The following ADAM12 variants were observed in gnomAD, a reference collection of about 807,000 sequenced individuals.
ADAM12 encodes disintegrin and metalloproteinase domain-containing protein 12.
Under a neutral mutation model 106.4 loss-of-function variants are expected in ADAM12, and 70 were observed. The observed-to-expected ratio is 0.66, with a 90% confidence interval of 0.54 to 0.80. The LOEUF (loss-of-function observed/expected upper bound fraction) is 0.80. Ranked by LOEUF, ADAM12 falls within the 30% of genes least tolerant of loss-of-function variation. The pLI is 0.00. For missense variants in ADAM12, 1,010 were observed against 1,171.9 expected, an observed-to-expected ratio of 0.86 and a Z score of 2.02; for synonymous variants, 420 against 433.5, an observed-to-expected ratio of 0.97 and a Z score of 0.39.
chr10:126,046,801 CAAAAAAAAAAAAAAAA>C (rs60056450), intron 16 of ADAM12, among the ~76,000 whole-genome samples: 8 of 49,918 alleles, frequency 1.6e-4, no homozygotes, highest in Non-Finnish European at 2.9e-4. Context: ...GATTCCGTCT[CAAAAAAAAAAAAAAAA>C]AAAAAAAAAA....
In ADAM12 at chr10:126,066,760, G is replaced by T. The variant is rs761670828; in HGVS notation, c.1370C>A (p.Pro457Gln). The stretch of plus-strand genomic sequence containing the variant: ...CAGCCCATGTGCGCACACAGCGTCC[G>T]GCTTCAGGGTACAGGTGGTGGCATT... The part of the protein sequence containing the change: ...CCNATTCTLK[P>Q]DAVCAHGLCC... Residue 457 changes from proline (P) to glutamine (Q), a missense_variant, in exon 13 of 23, where the codon CCG (proline) becomes CAG (glutamine). Pro to Gln is a moderately conservative substitution (Grantham distance 76). This residue lies in a region of ADAM12 where 615 missense variants were observed against 708.5 expected (regional missense o/e 0.87). Transcript: ENST00000448723. This position sits in a 1 kb window ranked among gnomAD's most constrained non-coding sequence, Gnocchi z 5.1. 4 of 1,614,020 alleles carry T rather than the reference G, an allele frequency of 2.5e-6. No homozygotes were observed. Among genetic ancestry groups the T allele is most frequent in the Non-Finnish European group, 3.4e-6 (4 of 1,180,020 alleles).
At chr10:126,158,666 G>T (rs1423839166) in intron 3 of ADAM12, among the ~76,000 whole-genome samples, 1 of 141,536 alleles carries the variant, frequency 7.1e-6, no homozygotes, top group Admixed American at 7.0e-5. Flanking sequence ...GGGATGCACA[G>T]AGCACGGGGA....
At chr10:126,083,358 C>T (rs1165502310) in intron 11 of ADAM12, among the ~76,000 whole-genome samples, 1 of 152,222 alleles carries the variant, frequency 6.6e-6, no homozygotes, top group African/African-American at 2.4e-5. Context: ...TCTTCCCACT[C>T]AACCACACCG....
intron 5 of ADAM12, among the ~76,000 whole-genome samples, chr10:126,119,088 A>G (rs1229986345): frequency 2.6e-5 from 4 of 152,328 alleles, no homozygotes; most frequent in Non-Finnish European, 5.9e-5. Context: ...ATGTGTGAAT[A>G]AAGGAACCCA....
intron 11 of ADAM12, among the ~76,000 whole-genome samples, chr10:126,092,669 A>C (rs1321594241): frequency 6.6e-6 from 1 of 152,226 alleles, no homozygotes; most frequent in Non-Finnish European, 1.5e-5. Context: ...CTTCCTCAAC[A>C]AAGTCTTGGT....
intron 3 of ADAM12, among the ~76,000 whole-genome samples, chr10:126,244,900 A>C (rs1256588679): frequency 6.6e-6 from 1 of 152,236 alleles, no homozygotes; most frequent in Non-Finnish European, 1.5e-5. Flanking sequence ...GACATTCACC[A>C]AGCAAAGGAG....
At chr10:126,348,257 C>T (rs963993473) in intron 1 of ADAM12, among the ~76,000 whole-genome samples, 32 of 152,284 alleles carry the variant, frequency 2.1e-4, no homozygotes, top group African/African-American at 6.5e-4. Flanking sequence ...GTAAAGAAGA[C>T]GGAAAGGGAT....
intron 12 of ADAM12, chr10:126,070,268 A>C (rs1176798758): frequency 6.6e-6 from 1 of 152,214 alleles, no homozygotes; most frequent in Non-Finnish European, 1.5e-5. Context: ...GAGCAAAATT[A>C]GACACCCCTC....
At position 126,049,174 on chromosome 10, in the gene ADAM12, G is replaced by GT; in HGVS notation, c.1917+78dup. The GT allele has an allele frequency of 6.4e-7, 1 of 1,570,856 alleles. No homozygotes were observed. Among genetic ancestry groups the GT allele is most frequent in the Non-Finnish European group, 8.7e-7 (1 of 1,150,656 alleles). On this transcript the variant is annotated intron_variant, in intron 16 of 22. Transcript: ENST00000448723. This position sits in a 1 kb window ranked among gnomAD's most constrained non-coding sequence, Gnocchi z 4.4. Reference sequence around the variant, plus strand: ...AGATTTAGGAAAACCAACAAACCTTGTAACCCAGTTCTTGCTGTTTTTCAA... The same window carrying GT: ...AGATTTAGGAAAACCAACAAACCTTGTTAACCCAGTTCTTGCTGTTTTTCAA...
At position 126,312,131 on chromosome 10, in the gene ADAM12, GAAAA is replaced by G. The variant is rs35783742; in HGVS notation, c.186+18277_186+18280del. 4.3e-3 allele frequency among the ~76,000 whole-genome samples: 528 copies of G among 123,988 alleles called. 3 individuals are homozygous for G. The highest frequency in any genetic ancestry group is 0.015 in the African/African-American group (477 of 32,798). 81.3% of individuals were successfully genotyped at this position (123,988 alleles called of 152,430 possible). On this transcript the variant is annotated intron_variant, in intron 2 of 22. Coordinates refer to ENST00000448723, the MANE Select transcript of ADAM12 (RefSeq NM_001288973.2). The stretch of plus-strand genomic sequence containing the variant: ...CAAAGTTGGAGAATTGGTTGGTGTG[GAAAA>G]AAAAAAAAAAAAAAAAACCCACGTT...
At chr10:126,304,997 T>C (rs112111018) in intron 2 of ADAM12, among the ~76,000 whole-genome samples, 239 of 152,070 alleles carry the variant, frequency 1.6e-3, no homozygotes, top group African/African-American at 5.4e-3. Context: ...TTGGTGAGGA[T>C]AGAAACAATA....
chr10:126,086,451 G>A (rs1272983595), intron 11 of ADAM12, among the ~76,000 whole-genome samples: 1 of 149,472 alleles, frequency 6.7e-6, no homozygotes, highest in Admixed American at 6.7e-5. Context: ...CAAGGCAGGT[G>A]GATCACTCGA....
chr10:126,177,101 T>C (rs1185270255), intron 3 of ADAM12, among the ~76,000 whole-genome samples: 1 of 152,146 alleles, frequency 6.6e-6, no homozygotes, highest in East Asian at 1.9e-4. Context: ...TTGGTATTAT[T>C]CATTTATGGC....
At chr10:126,106,365 G>T (rs912061759) in intron 8 of ADAM12, among the ~76,000 whole-genome samples, 1 of 152,016 alleles carries the variant, frequency 6.6e-6, no homozygotes, top group East Asian at 1.9e-4. Context: ...ACAGTAACTG[G>T]TAAAAATAAT....
intron 1 of ADAM12, among the ~76,000 whole-genome samples, chr10:126,368,726 T>C (rs1856005071): frequency 6.6e-6 from 1 of 151,804 alleles, no homozygotes. Context: ...CATTCCCCAA[T>C]TGAATTTTTA....
chr10:126,219,372 C>G (rs562136136), intron 3 of ADAM12, among the ~76,000 whole-genome samples: 1 of 152,306 alleles, frequency 6.6e-6, no homozygotes, highest in East Asian at 1.9e-4. Context: ...GGCCCCCATG[C>G]CTTTTCTCCC....
chr10:126,388,357 TGCGCGC>T lies in ADAM12; in HGVS notation c.-218_-213del. 1 of 643,932 alleles carries T rather than the reference TGCGCGC, an allele frequency of 1.6e-6. No homozygotes were observed. Among genetic ancestry groups the T allele is most frequent in the Non-Finnish European group, 2.1e-6 (1 of 471,186 alleles). The allele number at this position is 643,932 out of a possible 1,614,324, so 39.9% of individuals were successfully genotyped here. ...GTTTCCCCCCGTGTGTGTGCGTGCG[TGCGCGC>T]GCGCGCGCCGTTCTGGCACAAGCCA... On this transcript the variant is annotated 5_prime_UTR_variant, in exon 1 of 23. Coordinates refer to ENST00000448723, the MANE Select transcript of ADAM12 (RefSeq NM_001288973.2). The surrounding 1 kb of genome is among the most constrained non-coding windows in gnomAD (Gnocchi z 4.4).
intron 11 of ADAM12, chr10:126,090,973 A>G (rs1392349867): frequency 2.0e-5 from 3 of 152,200 alleles, no homozygotes; most frequent in Non-Finnish European, 4.4e-5. Flanking sequence ...CTGAGACTGA[A>G]TTTAACTGAC....
chr10:126,123,488 C>T lies in ADAM12; in HGVS notation c.417-5264G>A, dbSNP rs148990490. Among the ~76,000 whole-genome samples the T allele has an allele frequency of 7.7e-3, 1,175 of 152,264 alleles. 14 individuals are homozygous for T. Among genetic ancestry groups the T allele is most frequent in the African/African-American group, 0.026 (1,090 of 41,528 alleles). ...TCTAGAGCGACAGGAGGAGGCCGGC[C>T]CAGCCATCACCCCAGGCTCAGGCCA... On this transcript the variant is annotated intron_variant, in intron 5 of 22. Transcript: ENST00000448723.
Sources: gnomAD v4.1 joint callset for allele counts (sites outside exome capture counted in the v4.1 genomes callset) on GRCh38, gnomAD v4.1.1 for gene constraint, gnomAD v4.1.1 regional missense constraint, Gnocchi (gnomAD v3.1) non-coding constraint, MANE v1.5 for transcripts, NCBI Gene and HGNC (gene_info 2026-07-23, HGNC 2026-07-21) for gene names.